Variants in NF1 observed in about 807,000 individuals in gnomAD.
NF1 encodes the protein neurofibromin.
In NF1, 122 loss-of-function variants were observed where a neutral mutation model predicts 325.7. The observed-to-expected ratio is 0.37, with a 90% CI of 0.32 to 0.44. NF1 has a LOEUF of 0.44. Among genes scored for constraint, NF1 ranks in the 20% least tolerant of loss-of-function variants. The pLI is 1.00. For synonymous variants in NF1, 1,091 were observed against 1,186.0 expected (o/e 0.92, Z 1.65); for missense variants, 2,140 against 3,415.4 (o/e 0.63, Z 9.31).
chr17:31,232,964 G>A, intron 26 of NF1, 38 bp from the exon 27 acceptor site: 3 of 1,613,370 alleles, frequency 1.9e-6, no homozygotes, highest in Non-Finnish European at 2.5e-6. Context: ...CTTCAGCAAG[G>A]CCATGTTAGT....
intron 36 of NF1, among the ~76,000 whole-genome samples, chr17:31,278,613 T>A (rs67065748): frequency 0.52 from 76,637 of 145,986 alleles, 24,126 homozygotes; most frequent in Middle Eastern, 0.75. Flanking sequence ...CGTTTATTTT[T>A]TTATTATTTT....
chr17:31,260,325 G>T (rs775507499), intron 33 of NF1, 44 bp from the exon 34 acceptor site: 1 of 1,592,324 alleles, frequency 6.3e-7, no homozygotes, highest in Non-Finnish European at 8.6e-7. Flanking sequence ...ATAAGTCTGG[G>T]TGTATCTGGT....
rs1355411201 is a variant in NF1, at chr17:31,230,331, T to G, written c.3062T>G (p.Val1021Gly). The G allele has an allele frequency of 1.2e-6, 2 of 1,613,414 alleles. No homozygotes were observed. The highest frequency in any genetic ancestry group is 1.7e-6 in the Non-Finnish European group (2 of 1,179,614). ...ACGAAACTGTGTCAATTAGTTGAAG[T>G]AATGATGGCAAGGAGAGATGACCTC... ...IKTKLCQLVE[V>G]MMARRDDLSF... is the part of the protein sequence containing the mutation. The change falls in exon 23 of 58, where the codon GTA (valine) becomes GGA (glycine). Residue 1021 changes from valine (V) to glycine (G), a missense_variant. By Grantham distance (109) the Val-to-Gly change is moderately radical. Coordinates refer to ENST00000358273, the MANE Select transcript of NF1 (RefSeq NM_001042492.3).
chr17:31,335,488 T>C (rs995674754), intron 40 of NF1, among the ~76,000 whole-genome samples: 3 of 150,698 alleles, frequency 2.0e-5, no homozygotes, highest in Non-Finnish European at 4.4e-5. Context: ...AGAATGCCAA[T>C]ATTAAAATAG....
chr17:31,228,825 C>T (rs541768563), intron 20 of NF1, among the ~76,000 whole-genome samples, 200 bp from the exon 21 acceptor site: 1 of 152,172 alleles, frequency 6.6e-6, no homozygotes, highest in East Asian at 1.9e-4. Context: ...ATTTGACACT[C>T]GGCTGATTAT....
intron 57 of NF1, among the ~76,000 whole-genome samples, chr17:31,368,173 G>C (rs1004980950): frequency 6.6e-6 from 1 of 152,148 alleles, no homozygotes; most frequent in Non-Finnish European, 1.5e-5. Flanking sequence ...GTCTCTCTCT[G>C]TTGCCCAGGC....
At chr17:31,326,691 T>C (rs973812637) in intron 37 of NF1, among the ~76,000 whole-genome samples, 1 of 152,078 alleles carries the variant, frequency 6.6e-6, no homozygotes, top group African/African-American at 2.4e-5. Flanking sequence ...AAGACCAACA[T>C]TTGTGTCATC....
At chr17:31,337,338 G>A (rs1352496100) in intron 42 of NF1, 30 bp from the exon 43 acceptor site, 7 of 1,529,052 alleles carry the variant, frequency 4.6e-6, no homozygotes, top group South Asian at 2.3e-5. Context: ...AATATTTTCT[G>A]TCTTTACTTG....
intron 30 of NF1, chr17:31,249,938 T>G (rs758978470): frequency 2.1e-6 from 1 of 487,326 alleles, no homozygotes; most frequent in South Asian, 1.5e-5. Context: ...CATGTCTTTG[T>G]GTCTCTCTCT....
At position 31,295,065 on chromosome 17, in the gene NF1, T is replaced by G; in HGVS notation, c.4835+29726T>G. ...AATAAGAGAAATGAAGCATTTACTT[T>G]CCAAGCATTTGCCACAGAAGGTAAT... On this transcript the variant is annotated intron_variant, in intron 36 of 57. Coordinates refer to ENST00000358273, the MANE Select transcript of NF1 (RefSeq NM_001042492.3). 1 of 1,614,180 alleles carries G rather than the reference T, an allele frequency of 6.2e-7. No individual in the cohort carries two copies. The highest frequency in any genetic ancestry group is 8.5e-7 in the Non-Finnish European group (1 of 1,180,016).
At chr17:31,356,429 G>T (rs759622993) in intron 51 of NF1, 31 bp from the exon 52 acceptor site, 39 of 1,606,294 alleles carry the variant, frequency 2.4e-5, no homozygotes, top group Non-Finnish European at 3.2e-5. Flanking sequence ...TGTAGTTAAT[G>T]AACTTGCATA....
At chr17:31,262,593 A>G (rs1174389418) in intron 35 of NF1, among the ~76,000 whole-genome samples, 1 of 152,226 alleles carries the variant, frequency 6.6e-6, no homozygotes, top group Non-Finnish European at 1.5e-5. Context: ...AAAGATTTGT[A>G]TATAATATGC....
At chr17:31,253,471 T>A (rs2067528280) in intron 31 of NF1, 1 of 156,220 alleles carries the variant, frequency 6.4e-6, no homozygotes, top group South Asian at 1.9e-4. Context: ...AAATTTTATT[T>A]TTTTACTCTT....
At chr17:31,281,984 C>T (rs965814441) in intron 36 of NF1, among the ~76,000 whole-genome samples, 12 of 151,376 alleles carry the variant, frequency 7.9e-5, no homozygotes, top group Non-Finnish European at 1.2e-4. Flanking sequence ...CACTTGAGCC[C>T]GGGAGGTTGA....
chr17:31,126,417 A>G (rs17880978), intron 1 of NF1, among the ~76,000 whole-genome samples: 281 of 151,870 alleles, frequency 1.9e-3, no homozygotes, highest in Middle Eastern at 6.8e-3. Flanking sequence ...TTCCTGATTG[A>G]TTCATAGCAA....
At chr17:31,365,583 T>C (rs1283089967) in intron 57 of NF1, among the ~76,000 whole-genome samples, 5 of 152,214 alleles carry the variant, frequency 3.3e-5, no homozygotes, top group African/African-American at 1.2e-4. Context: ...AGATTAATAC[T>C]ATAGTGCACT....
At chr17:31,170,268 CTAT>C (rs1396768019) in intron 5 of NF1, among the ~76,000 whole-genome samples, 2 of 152,052 alleles carry the variant, frequency 1.3e-5, no homozygotes, top group African/African-American at 2.4e-5. Flanking sequence ...TGCAAGGGTG[CTAT>C]TATTTCATTT....
chr17:31,223,774 C>T (rs1167751444), intron 16 of NF1, among the ~76,000 whole-genome samples: 1 of 152,116 alleles, frequency 6.6e-6, no homozygotes, highest in Non-Finnish European at 1.5e-5. Context: ...TAGAACCACA[C>T]TGTTGATGAA....
intron 15 of NF1, chr17:31,222,576 T>C: frequency 9.9e-7 from 1 of 1,013,586 alleles, no homozygotes; most frequent in South Asian, 4.7e-5. Context: ...ACTAGTAATA[T>C]AATGAGAACC....
Sources: allele counts gnomAD v4.1 joint callset (sites outside exome capture counted in the v4.1 genomes callset), GRCh38; gene constraint gnomAD v4.1.1; transcripts MANE v1.5; gene names NCBI Gene and HGNC (gene_info 2026-07-23, HGNC 2026-07-21).